Variants in PAPLN observed in about 807,000 individuals in gnomAD.
PAPLN encodes the protein papilin.
A neutral mutation model predicts 159.0 loss-of-function variants in PAPLN; 146 were observed. The observed-to-expected ratio is 0.92, with a 90% CI of 0.80 to 1.05. The LOEUF is 1.05. PAPLN is among the 50% of genes least tolerant of loss of function. The probability of loss-of-function intolerance (pLI) is 0.00; values close to 1 mark genes in which losing one functional copy is unlikely to be tolerated. For missense variants in PAPLN, 1,720 were observed against 1,743.9 expected, an observed-to-expected ratio of 0.99 and a Z score of 0.24; for synonymous variants, 734 against 702.9, an observed-to-expected ratio of 1.04 and a Z score of -0.70.
At chr14:73,264,099 A>T in intron 20 of PAPLN, 112 bp from the exon 21 acceptor site, 2 of 1,583,858 alleles carry the variant, frequency 1.3e-6, no homozygotes, top group Admixed American at 3.4e-5. Context: ...TTGGGGTGGG[A>T]GGGTGCTCTG....
intron 26 of PAPLN, among the ~76,000 whole-genome samples, chr14:73,270,758 T>C (rs1320007465): frequency 6.6e-6 from 1 of 152,164 alleles, no homozygotes; most frequent in Non-Finnish European, 1.5e-5. Context: ...CACGCTGAAA[T>C]GGCCTGAGAT....
chr14:73,244,588 C>A, intron 2 of PAPLN, 56 bp from the exon 3 acceptor site: 1 of 1,418,002 alleles, frequency 7.1e-7, no homozygotes, highest in Non-Finnish European at 9.7e-7. Flanking sequence ...TTTGGAGGGG[C>A]CTCTGGGCTC....
chr14:73,264,549 C>T (rs1887014319), intron 21 of PAPLN, 39 bp from the exon 22 acceptor site: 1 of 1,573,026 alleles, frequency 6.4e-7, no homozygotes, highest in African/African-American at 1.4e-5. Context: ...CTCCCTTTTC[C>T]TCACAGCTCA....
Position 73,252,020 on chromosome 14 carries a change from C to G in PAPLN, c.846C>G (p.Leu282=). The change falls in exon 10 of 27, where the codon CTC becomes CTG. Residue 282 remains leucine (L), a splice_region_variant and synonymous_variant. Transcript: ENST00000644200. ...CAACAAGGACTCTCCCGTGACAGCTCATCAGCCAGGAGCCCAACCCCGGTG... is the reference window on the plus strand; with the variant it reads ...CAACAAGGACTCTCCCGTGACAGCTGATCAGCCAGGAGCCCAACCCCGGTG... ...GPTSEPLVIE[L]ISQEPNPGVH... is the part of the protein sequence containing the mutation. The G allele has an allele frequency of 6.2e-7, 1 of 1,607,284 alleles. No individual in the cohort carries two copies. The highest frequency in any genetic ancestry group is 8.5e-7 in the Non-Finnish European group (1 of 1,176,432).
At chr14:73,256,347 A>AT (rs1885903490) in intron 14 of PAPLN, among the ~76,000 whole-genome samples, 1 of 151,966 alleles carries the variant, frequency 6.6e-6, no homozygotes, top group Non-Finnish European at 1.5e-5. Flanking sequence ...CCTGGCCAAC[A>AT]TTGTGAAATC....
chr14:73,264,346 C>T lies in PAPLN; in HGVS notation c.2986+11C>T, dbSNP rs368309777. 6.2e-7 allele frequency: 1 copy of T among 1,609,130 alleles called. No individual in the cohort carries two copies. The highest frequency in any genetic ancestry group is 8.5e-7 in the Non-Finnish European group (1 of 1,177,152). On this transcript the variant is annotated intron_variant, in intron 21 of 26. Coordinates refer to ENST00000644200, the MANE Select transcript of PAPLN (RefSeq NM_001365906.3). Reference sequence around the variant, plus strand: ...AACTTCGCATCATAGGTCTCTGTCCCCACCCCATCCACCAGTGCGTTCTCA... The same window carrying T: ...AACTTCGCATCATAGGTCTCTGTCCTCACCCCATCCACCAGTGCGTTCTCA...
In PAPLN at chr14:73,264,208, C is replaced by T; in HGVS notation, c.2862-3C>T. The stretch of plus-strand genomic sequence containing the variant: ...TCATGTCCTCCCACACCACCCCACT[C>T]AGGCACAGGCTGCAGTTCGACGGAT... On this transcript the variant is annotated splice_polypyrimidine_tract_variant and splice_region_variant and intron_variant, in intron 20 of 26. Coordinates refer to ENST00000644200, the MANE Select transcript of PAPLN (RefSeq NM_001365906.3). 2 of 1,613,688 alleles carry T rather than the reference C, an allele frequency of 1.2e-6. No homozygotes were observed. Among genetic ancestry groups the T allele is most frequent in the Non-Finnish European group, 1.7e-6 (2 of 1,179,944 alleles).
At chr14:73,258,492 G>A (rs895383877) in intron 14 of PAPLN, among the ~76,000 whole-genome samples, 1 of 151,736 alleles carries the variant, frequency 6.6e-6, no homozygotes, top group Non-Finnish European at 1.5e-5. Flanking sequence ...TGTAAGATTA[G>A]CATTTTTCAT....
In PAPLN at chr14:73,255,024, G is replaced by A; in HGVS notation, c.1627+6G>A. On this transcript the variant is annotated splice_donor_region_variant and intron_variant, in intron 14 of 26. Coordinates refer to ENST00000644200, the MANE Select transcript of PAPLN (RefSeq NM_001365906.3). ...GCCCTGTCATCTCCCCCAGGGTAAG[G>A]ACAGGAGGGCAGGGAGGAGTCCGGC... 1 of 1,611,220 alleles carries A rather than the reference G, an allele frequency of 6.2e-7. No individual in the cohort carries two copies. The highest frequency in any genetic ancestry group is 1.1e-5 in the South Asian group (1 of 90,630).
At chr14:73,254,096 GC>G (rs1407679725) in intron 12 of PAPLN, 135 bp downstream of exon 12, 3 of 1,016,518 alleles carry the variant, frequency 3.0e-6, no homozygotes, top group Non-Finnish European at 4.2e-6. Flanking sequence ...GGAAGCTGTG[GC>G]CAAGGCTGGG....
At chr14:73,263,092 C>A (rs1438440253) in intron 19 of PAPLN, 1 of 404,424 alleles carries the variant, frequency 2.5e-6, no homozygotes, top group Non-Finnish European at 4.3e-6. Context: ...GCCAGTATAC[C>A]CCGGGGCCTG....
chr14:73,271,873 T>G (rs199498098), intron 26 of PAPLN, among the ~76,000 whole-genome samples: 1 of 37,086 alleles, frequency 2.7e-5, no homozygotes, highest in Non-Finnish European at 4.5e-5. Context: ...ACAAGGGCTT[T>G]GCTTTGTTCT....
chr14:73,248,142 CATG>C (rs1884807425), intron 5 of PAPLN, among the ~76,000 whole-genome samples: 1 of 109,996 alleles, frequency 9.1e-6, no homozygotes, highest in Non-Finnish European at 1.8e-5. Flanking sequence ...TGGCTGTGGG[CATG>C]GCCCAGTGGG....
Position 73,250,004 on chromosome 14 carries a change from A to T in PAPLN, c.355A>T (p.Asn119Tyr). 6.2e-7 allele frequency: 1 copy of T among 1,611,490 alleles called. No homozygotes were observed. Among genetic ancestry groups the T allele is most frequent in the Non-Finnish European group, 8.5e-7 (1 of 1,178,848 alleles). ...YYSAPNKCEL[N>Y]CIPKGENFYY... ...CCCAGCCCCAAACAAGTGTGAACTG[A>T]ACTGCATTCCCAAGGGGGAGAACTT... Residue 119 changes from asparagine (N) to tyrosine (Y), a missense_variant, in exon 6 of 27, where the codon AAC (asparagine) becomes TAC (tyrosine). Coordinates refer to ENST00000644200, the MANE Select transcript of PAPLN (RefSeq NM_001365906.3).
At chr14:73,254,460 G>A in intron 12 of PAPLN, 53 bp from the exon 13 acceptor site, 1 of 1,595,322 alleles carries the variant, frequency 6.3e-7, no homozygotes, top group Non-Finnish European at 8.5e-7. Flanking sequence ...GTCCGAACTG[G>A]CGTGGCTCCT....
At chr14:73,242,307 T>C (rs125505) in intron 2 of PAPLN, among the ~76,000 whole-genome samples, 15,361 of 152,242 alleles carry the variant, frequency 0.1, 861 homozygotes, top group Middle Eastern at 0.22. Context: ...CTTATCCTGA[T>C]GGCCAGGCTG....
intron 14 of PAPLN, 40 bp downstream of exon 14, chr14:73,255,058 T>C: frequency 3.2e-6 from 5 of 1,580,922 alleles, no homozygotes; most frequent in Non-Finnish European, 4.3e-6. Context: ...GCCTCTGACC[T>C]CTCTCCCACT....
chr14:73,253,665 C>A, intron 11 of PAPLN, 89 bp from the exon 12 acceptor site: 1 of 1,296,074 alleles, frequency 7.7e-7, no homozygotes, highest in Non-Finnish European at 1.1e-6. Flanking sequence ...GGTCCTCAGG[C>A]CACCTGTGTG....
chr14:73,249,960 G>A (rs765064759), intron 5 of PAPLN, 24 bp from the exon 6 acceptor site: 1 of 1,582,728 alleles, frequency 6.3e-7, no homozygotes, highest in East Asian at 2.3e-5. Context: ...CAGGATCTCA[G>A]TCTTGCCTTC....
Sources: allele counts gnomAD v4.1 joint callset (sites outside exome capture counted in the v4.1 genomes callset), GRCh38; gene constraint gnomAD v4.1.1; transcripts MANE v1.5; gene names NCBI Gene and HGNC (gene_info 2026-07-23, HGNC 2026-07-21).